Variants in GASK1B observed in about 807,000 individuals in gnomAD.
GASK1B encodes the protein Golgi-associated kinase 1B.
In GASK1B, 34 loss-of-function variants were observed where a neutral mutation model predicts 42.8. The ratio of observed to expected loss-of-function variants is 0.79; its 90% CI spans 0.60 to 1.06. GASK1B has a LOEUF of 1.06. GASK1B is among the 50% of genes least tolerant of loss of function. The pLI, the probability that GASK1B is intolerant of heterozygous loss-of-function variation, is 0.00. For missense variants in GASK1B, 686 were observed against 661.0 expected (o/e 1.04, Z -0.42); for synonymous variants, 262 against 259.1 (o/e 1.01, Z -0.11).
chr4:158,165,944 A>G (rs949251723), intron 2 of GASK1B, among the ~76,000 whole-genome samples: 5 of 152,228 alleles, frequency 3.3e-5, no homozygotes, highest in Non-Finnish European at 7.3e-5. Flanking sequence ...GTGATACATC[A>G]CACTAGATTC....
At chr4:158,149,948 G>A (rs1385899860) in intron 3 of GASK1B, among the ~76,000 whole-genome samples, 3 of 1,936 alleles carry the variant, frequency 1.5e-3, no homozygotes, top group Admixed American at 0.028. Context: ...TTTTTGAGAC[G>A]GAGTCTCACT....
chr4:158,145,636 CT>C (rs1421934040), intron 3 of GASK1B, among the ~76,000 whole-genome samples: 1 of 152,116 alleles, frequency 6.6e-6, no homozygotes, highest in Non-Finnish European at 1.5e-5. Context: ...CTCAAAATTT[CT>C]TTCTATAAAA....
At chr4:158,142,267 C>A (rs1012280705) in intron 3 of GASK1B, among the ~76,000 whole-genome samples, 2 of 152,062 alleles carry the variant, frequency 1.3e-5, no homozygotes, top group Non-Finnish European at 2.9e-5. Context: ...CTTACAGCAC[C>A]AAATACCATA....
chr4:158,154,684 G>A (rs1022596196), intron 3 of GASK1B, among the ~76,000 whole-genome samples: 1 of 152,154 alleles, frequency 6.6e-6, no homozygotes, highest in East Asian at 1.9e-4. Flanking sequence ...GCATAAAGAG[G>A]TATGAAATAA....
chr4:158,130,586 G>A (rs1730636116), intron 4 of GASK1B, among the ~76,000 whole-genome samples, 200 bp downstream of exon 4: 1 of 152,190 alleles, frequency 6.6e-6, no homozygotes, highest in South Asian at 2.1e-4. Flanking sequence ...GGTATTGGTT[G>A]TTGATAGAGG....
intron 3 of GASK1B, 70 bp downstream of exon 3, chr4:158,155,541 T>C: frequency 7.8e-7 from 1 of 1,279,824 alleles, no homozygotes; most frequent in South Asian, 1.3e-5. Flanking sequence ...TGCTGAACAT[T>C]CCTTAGTGTC....
At position 158,125,588 on chromosome 4, in the gene GASK1B, T is replaced by A. The variant is rs180748968; in HGVS notation, c.*1819A>T. On this transcript the variant is annotated 3_prime_UTR_variant, in exon 5 of 5. Transcript: ENST00000585682. ...GATGATTTATAAGAGAAGAAAAGGA[T>A]CTTAAAAATCCCAGAGACAGTGAGT... The A allele has an allele frequency of 2.0e-5, 3 of 152,092 alleles. No individual in the cohort carries two copies. Among genetic ancestry groups the A allele is most frequent in the Non-Finnish European group, 2.9e-5 (2 of 67,978 alleles). The allele number at this position is 152,092 out of a possible 1,614,324, so 9.4% of individuals were successfully genotyped here.
chr4:158,137,229 G>A lies in GASK1B; in HGVS notation c.1126-6217C>T, dbSNP rs530898560. 2.0e-5 allele frequency among the ~76,000 whole-genome samples: 3 copies of A among 152,162 alleles called. No individual in the cohort carries two copies. In the South Asian group the frequency reaches 6.2e-4, roughly 32 times the overall value. On this transcript the variant is annotated intron_variant, in intron 3 of 4. Coordinates refer to ENST00000585682, the MANE Select transcript of GASK1B (RefSeq NM_001128424.2). ...CGCCATAATGCCATGTATGTAATAG[G>A]CATTCAATAAATACATACTAGGCAG...
intron 3 of GASK1B, among the ~76,000 whole-genome samples, chr4:158,138,852 A>C (rs1731007404): frequency 6.6e-6 from 1 of 152,140 alleles, no homozygotes; most frequent in Admixed American, 6.6e-5. Context: ...CTGGCCACTA[A>C]AAATAAATTT....
chr4:158,150,919 T>G (rs1399780886), intron 3 of GASK1B, among the ~76,000 whole-genome samples: 1 of 152,192 alleles, frequency 6.6e-6, no homozygotes. Flanking sequence ...TCAAAGTTCC[T>G]ATTTCGTAGA....
intron 3 of GASK1B, among the ~76,000 whole-genome samples, chr4:158,140,902 GA>G (rs1731089048): frequency 6.6e-6 from 1 of 152,032 alleles, no homozygotes; most frequent in African/African-American, 2.4e-5. Flanking sequence ...ATAAGCAAAA[GA>G]AACATAAAAT....
intron 2 of GASK1B, among the ~76,000 whole-genome samples, chr4:158,164,695 A>G (rs766141514): frequency 2.6e-4 from 40 of 152,200 alleles, no homozygotes; most frequent in Non-Finnish European, 5.3e-4. Context: ...TAGGATTTGG[A>G]AGCCAGTATG....
At chr4:158,129,220 T>C (rs1037779514) in intron 4 of GASK1B, among the ~76,000 whole-genome samples, 8 of 152,196 alleles carry the variant, frequency 5.3e-5, no homozygotes, top group Admixed American at 4.6e-4. Context: ...AATAAAGATA[T>C]TCACATTTAC....
chr4:158,144,969 A>C (rs1223671125), intron 3 of GASK1B, among the ~76,000 whole-genome samples: 1 of 152,202 alleles, frequency 6.6e-6, no homozygotes, highest in Non-Finnish European at 1.5e-5. Flanking sequence ...TTGCTGTCAT[A>C]GCACCTGACT....
Position 158,148,305 on chromosome 4 carries a change from A to G in GASK1B, c.1125+7306T>C, listed in dbSNP as rs569791630. ...TAAATAACACCCCATCAACATCTAC[A>G]AGATTAGCAAAAATATTAGTTTGCT... On this transcript the variant is annotated intron_variant, in intron 3 of 4. Coordinates refer to ENST00000585682, the MANE Select transcript of GASK1B (RefSeq NM_001128424.2). 3.0e-4 allele frequency among the ~76,000 whole-genome samples: 45 copies of G among 152,298 alleles called. 1 individual carries two copies. In the South Asian group the frequency reaches 8.9e-3, roughly 30 times the overall value.
intron 2 of GASK1B, chr4:158,169,597 C>T (rs1732374751): frequency 6.6e-6 from 1 of 152,380 alleles, no homozygotes; most frequent in Non-Finnish European, 1.5e-5. Context: ...ATTTTAGCCT[C>T]TTGGGCCAAT....
intron 4 of GASK1B, 28 bp downstream of exon 4, chr4:158,130,758 G>A (rs753219932): frequency 6.4e-5 from 96 of 1,510,550 alleles, no homozygotes; most frequent in Non-Finnish European, 8.5e-5. Flanking sequence ...TAAATGTGAT[G>A]TCCTGCAGAT....
chr4:158,131,251 T>C (rs753466472), intron 3 of GASK1B, among the ~76,000 whole-genome samples: 2 of 152,202 alleles, frequency 1.3e-5, no homozygotes, highest in Non-Finnish European at 1.5e-5. Flanking sequence ...TTATCCAAGT[T>C]AGGCATCTCC....
intron 3 of GASK1B, among the ~76,000 whole-genome samples, chr4:158,133,699 A>G (rs114336144): frequency 0.012 from 1,858 of 152,322 alleles, 37 homozygotes; most frequent in African/African-American, 0.041. Flanking sequence ...GTGTACTTTT[A>G]AAGTACTTCG....
Sources: allele counts gnomAD v4.1 joint callset (sites outside exome capture counted in the v4.1 genomes callset), GRCh38; gene constraint gnomAD v4.1.1; transcripts MANE v1.5; gene names NCBI Gene and HGNC (gene_info 2026-07-23, HGNC 2026-07-21).